CCDC50: variants seen among roughly 807,000 people sequenced by gnomAD.
The protein encoded by CCDC50 is coiled-coil domain-containing protein 50.
A neutral mutation model predicts 70.2 loss-of-function variants in CCDC50; 54 were observed. That is an observed-to-expected ratio of 0.77 (90% confidence interval 0.62 to 0.96). CCDC50 has a LOEUF of 0.96. Among genes scored for constraint, CCDC50 ranks in the 50% least tolerant of loss-of-function variants. The probability of loss-of-function intolerance (pLI) is 0.00; values close to 1 mark genes in which losing one functional copy is unlikely to be tolerated. For missense variants in CCDC50, 558 were observed against 578.7 expected (o/e 0.96, Z 0.37); for synonymous variants, 216 against 198.8 (o/e 1.09, Z -0.73).
At chr3:191,342,415 A>G (rs774964152) in intron 1 of CCDC50, among the ~76,000 whole-genome samples, 5 of 152,174 alleles carry the variant, frequency 3.3e-5, no homozygotes, top group African/African-American at 4.8e-5. Flanking sequence ...TAAAGTATCT[A>G]GTTGCAAAAG....
At chr3:191,332,443 G>T (rs917896632) in intron 1 of CCDC50, among the ~76,000 whole-genome samples, 1 of 152,156 alleles carries the variant, frequency 6.6e-6, no homozygotes, top group African/African-American at 2.4e-5. Flanking sequence ...TTAAAAGTGT[G>T]TTTGGAACAT....
intron 4 of CCDC50, among the ~76,000 whole-genome samples, chr3:191,367,152 C>T (rs1335032427): frequency 6.6e-6 from 1 of 151,982 alleles, no homozygotes; most frequent in Non-Finnish European, 1.5e-5. Flanking sequence ...GGTTTGGGTG[C>T]TAAGGTGCAT....
intron 4 of CCDC50, among the ~76,000 whole-genome samples, chr3:191,361,582 C>T (rs889184217): frequency 6.6e-6 from 1 of 152,156 alleles, no homozygotes; most frequent in Non-Finnish European, 1.5e-5. Context: ...CTTGTATCTG[C>T]ATCACTTCAG....
At chr3:191,334,280 G>T (rs1325796344) in intron 1 of CCDC50, among the ~76,000 whole-genome samples, 1 of 152,132 alleles carries the variant, frequency 6.6e-6, no homozygotes, top group Non-Finnish European at 1.5e-5. Context: ...CACCAAAAAT[G>T]GCTTTCACAA....
chr3:191,356,479 A>G (rs1354455081), intron 1 of CCDC50, among the ~76,000 whole-genome samples: 1 of 152,228 alleles, frequency 6.6e-6, no homozygotes, highest in Non-Finnish European at 1.5e-5. Context: ...AGAGGGACCT[A>G]GAGACCTAGT....
intron 3 of CCDC50, among the ~76,000 whole-genome samples, chr3:191,360,075 A>G (rs919943983): frequency 1.3e-5 from 2 of 152,236 alleles, no homozygotes; most frequent in African/African-American, 4.8e-5. Context: ...GGCAATTTTA[A>G]TAGCTGTACA....
rs774946397 is a variant in CCDC50 at position 191,380,257 on chromosome 3, CAAG to C, written c.1084_1086del (p.Glu362del). 2.0e-5 allele frequency: 32 copies of C among 1,611,324 alleles called. No individual in the cohort carries two copies. The highest frequency in any genetic ancestry group is 4.0e-5 in the African/African-American group (3 of 74,780). ...TGATGCTGAAATTGCCAGAAAACTG[CAAG>C]AAGAAGAACTTTTGGTGAGCAAATT... is the stretch of plus-strand genomic sequence containing the variant. On this transcript the variant is annotated inframe_deletion, in exon 7 of 12. Transcript: ENST00000392455.
Position 191,375,110 on chromosome 3 carries a change from G to C in CCDC50, c.497G>C (p.Arg166Thr). ...AGGGAATTGGGTTCTGGATTCTCAA[G>C]ACCTTGTAGACTCCAAAGAGATGGA... ...RARELGSGFS[R>T]PCRLQRDGKT... Residue 166 changes from arginine to threonine, a missense_variant, in exon 6 of 12, where the codon AGA (arginine) becomes ACA (threonine). Arg to Thr is a moderately conservative substitution (Grantham distance 71). Transcript: ENST00000392455. 1 of 1,613,542 alleles carries C rather than the reference G, an allele frequency of 6.2e-7. No individual in the cohort carries two copies. Among genetic ancestry groups the C allele is most frequent in the Non-Finnish European group, 8.5e-7 (1 of 1,179,694 alleles).
rs1347337846 is a variant in CCDC50 at position 191,353,392 on chromosome 3, A to G, written c.50-3696A>G. 3.5e-5 allele frequency among the ~76,000 whole-genome samples: 5 copies of G among 141,902 alleles called. 1 individual carries two copies. The highest frequency in any genetic ancestry group is 1.3e-4 in the African/African-American group (5 of 39,756). The allele number at this position is 141,902 out of a possible 152,430, so 93.1% of individuals were successfully genotyped here. A position where few individuals can be genotyped will look rare whatever the true frequency, so the allele number is the denominator to read the frequency against. On this transcript the variant is annotated intron_variant, in intron 1 of 11. Transcript: ENST00000392455. ...ATGAGTGAAGGTGAACATGGGAGGC[A>G]AAAAGTTTGAGAAATGGGAGGGTGA...
intron 5 of CCDC50, chr3:191,370,245 G>C: frequency 2.2e-6 from 1 of 449,188 alleles, no homozygotes; most frequent in Non-Finnish European, 4.2e-6. Context: ...TTAAGTTTTA[G>C]GGTACATGTG....
chr3:191,347,679 A>G (rs1223916816), intron 1 of CCDC50, among the ~76,000 whole-genome samples: 1 of 141,984 alleles, frequency 7.0e-6, no homozygotes, highest in Non-Finnish European at 1.6e-5. Flanking sequence ...TCACTTTTCT[A>G]GGTATTCTAG....
At chr3:191,341,887 T>G (rs985813336) in intron 1 of CCDC50, among the ~76,000 whole-genome samples, 1 of 152,230 alleles carries the variant, frequency 6.6e-6, no homozygotes, top group African/African-American at 2.4e-5. Context: ...GGTCACCTTA[T>G]TCTGTATAGA....
chr3:191,374,201 GA>G (rs2108662022), intron 5 of CCDC50, among the ~76,000 whole-genome samples: 1 of 152,174 alleles, frequency 6.6e-6, no homozygotes, highest in Admixed American at 6.5e-5. Flanking sequence ...AAAAAGACCT[GA>G]AAAAGAATTA....
chr3:191,335,629 A>T (rs1486190273), intron 1 of CCDC50, among the ~76,000 whole-genome samples: 1 of 152,170 alleles, frequency 6.6e-6, no homozygotes, highest in Non-Finnish European at 1.5e-5. Context: ...GCATACACAC[A>T]TACATTAAGT....
chr3:191,329,719 G>A lies in CCDC50; in HGVS notation c.45G>A (p.Lys15=), dbSNP rs981589224. Residue 15 remains lysine (K), a synonymous_variant, in exon 1 of 12, where the codon AAG becomes AAA. Coordinates refer to ENST00000392455, the MANE Select transcript of CCDC50 (RefSeq NM_178335.3). Reference sequence around the variant, plus strand: ...ACCAGTCCAAGCTGCCTGGAGTCAAGGAAGGTAAGGGCCCCGGAGGGAGAG... The same window carrying A: ...ACCAGTCCAAGCTGCCTGGAGTCAAAGAAGGTAAGGGCCCCGGAGGGAGAG... The part of the protein sequence containing the change: ...SIDQSKLPGV[K]EVCRDFAVLE... 6.8e-6 allele frequency: 11 copies of A among 1,609,784 alleles called. No homozygotes were observed. In the Admixed American group the frequency reaches 1.8e-4, roughly 27 times the overall value.
At chr3:191,363,352 A>T (rs1441504580) in intron 4 of CCDC50, among the ~76,000 whole-genome samples, 5 of 152,194 alleles carry the variant, frequency 3.3e-5, no homozygotes, top group Admixed American at 6.5e-5. Flanking sequence ...GGTATACATG[A>T]AACATGTGGA....
chr3:191,332,422 A>AT (rs938066596), intron 1 of CCDC50, among the ~76,000 whole-genome samples: 14 of 152,048 alleles, frequency 9.2e-5, no homozygotes, highest in Admixed American at 8.5e-4. Flanking sequence ...TCAACACATC[A>AT]TTTTTTCTGG....
In CCDC50 at chr3:191,347,129, G is replaced by A. The variant is rs1280659324; in HGVS notation, c.50-9959G>A. ...GTTTGTAAAACTTTTTGTGAAAAAG[G>A]CAGCTTTCTATCTGTGATGTTTATT... On this transcript the variant is annotated intron_variant, in intron 1 of 11. Transcript: ENST00000392455. 1.4e-5 allele frequency among the ~76,000 whole-genome samples: 2 copies of A among 142,072 alleles called. 1 individual carries two copies. The highest frequency in any genetic ancestry group is 3.2e-5 in the Non-Finnish European group (2 of 63,060). The allele number at this position is 142,072 out of a possible 152,430, so 93.2% of individuals were successfully genotyped here.
intron 1 of CCDC50, among the ~76,000 whole-genome samples, chr3:191,352,202 G>T (rs1712128114): frequency 7.0e-6 from 1 of 142,098 alleles, no homozygotes; most frequent in African/African-American, 2.5e-5. Flanking sequence ...TCATCTCAGT[G>T]ATGGCTTGGA....
Sources: gnomAD v4.1 joint callset for allele counts (sites outside exome capture counted in the v4.1 genomes callset) on GRCh38, gnomAD v4.1.1 for gene constraint, MANE v1.5 for transcripts, NCBI Gene and HGNC (gene_info 2026-07-23, HGNC 2026-07-21) for gene names.